RTEL1: variants seen among roughly 807,000 people sequenced by gnomAD.
The protein encoded by RTEL1 is regulator of telomere length.
Under a neutral mutation model 162.2 loss-of-function variants are expected in RTEL1, and 86 were observed. The observed-to-expected ratio is 0.53, with a 90% CI of 0.45 to 0.63. RTEL1 has a LOEUF of 0.63. RTEL1 is among the 30% of genes least tolerant of loss of function. RTEL1 has a pLI of 0.00. For missense variants in RTEL1, 1,941 were observed against 1,750.2 expected (o/e 1.11, Z -1.95); for synonymous variants, 958 against 717.9 (o/e 1.33, Z -5.35).
At chr20:63,675,440 GT>G (rs139917366) in intron 10 of RTEL1, among the ~76,000 whole-genome samples, 8,983 of 152,222 alleles carry the variant, frequency 0.059, 351 homozygotes, top group Non-Finnish European at 0.086. Flanking sequence ...TAGAGAGTGA[GT>G]TTGCAAAGTT....
At chr20:63,676,984 G>A (rs1396733982) in intron 10 of RTEL1, among the ~76,000 whole-genome samples, 10 of 152,206 alleles carry the variant, frequency 6.6e-5, no homozygotes, top group African/African-American at 9.7e-5. Context: ...GTGTGTGAAC[G>A]TGGGGATTGG....
intron 1 of RTEL1, 52 bp from the exon 2 acceptor site, chr20:63,659,181 G>A (rs1347114956): frequency 1.8e-6 from 1 of 560,476 alleles, no homozygotes; most frequent in East Asian, 3.0e-5. Context: ...TGGGAAAGTA[G>A]CCCGGTACCC....
chr20:63,692,807 G>C lies in RTEL1; in HGVS notation c.2655G>C (p.Glu885Asp), dbSNP rs979303111. 1 of 1,609,892 alleles carries C rather than the reference G, an allele frequency of 6.2e-7. No homozygotes were observed. ...AGCCTCGGGCCTGTGTCCTGCAGGA[G>C]GAGCCCGTGGCTGGTGCACAGACGG... is the stretch of plus-strand genomic sequence containing the variant. ...RKKIRLVSHP[E>D]EPVAGAQTDR... The change falls in exon 29 of 35, where the codon GAG (glutamate) becomes GAC (aspartate). Residue 885 changes from glutamate (E) to aspartate (D), a missense_variant and splice_region_variant. Physicochemically the swap from Glu to Asp is conservative, Grantham distance 45. Coordinates refer to ENST00000360203, the MANE Select transcript of RTEL1 (RefSeq NM_001283009.2).
chr20:63,669,644 A>G (rs73317964), intron 8 of RTEL1, among the ~76,000 whole-genome samples: 6,731 of 147,522 alleles, frequency 0.046, 555 homozygotes, highest in African/African-American at 0.16. Context: ...CAGACGTTTC[A>G]CCAAGATGGG....
intron 23 of RTEL1, 31 bp from the exon 24 acceptor site, chr20:63,689,719 G>T (rs1568711043): frequency 6.2e-7 from 1 of 1,606,478 alleles, no homozygotes; most frequent in African/African-American, 1.3e-5. Flanking sequence ...GGCCAAGGGA[G>T]CCCCCGTGAC....
Position 63,668,767 on chromosome 20 carries a change from A to G in RTEL1, c.699+1214A>G, listed in dbSNP as rs532620651. Reference sequence around the variant, plus strand: ...AACCAGGCCCCTCCCTGGGACAGTTATATCACAGCTGGTAAGCCGAGTCTA... The same window carrying G: ...AACCAGGCCCCTCCCTGGGACAGTTGTATCACAGCTGGTAAGCCGAGTCTA... On this transcript the variant is annotated intron_variant, in intron 8 of 34. Coordinates refer to ENST00000360203, the MANE Select transcript of RTEL1 (RefSeq NM_001283009.2). The surrounding 1 kb of genome is among the most constrained non-coding windows in gnomAD (Gnocchi z 4.3). 2.6e-5 allele frequency among the ~76,000 whole-genome samples: 4 copies of G among 152,300 alleles called. No individual in the cohort carries two copies. Among genetic ancestry groups the G allele is most frequent in the African/African-American group, 9.6e-5 (4 of 41,550 alleles).
chr20:63,694,760 A>C lies in RTEL1; in HGVS notation c.3129A>C (p.Pro1043=), dbSNP rs199578945. ...PPPTGDPGSQ[P]QWGSGVPRAG... ...CACCAGGAGACCCTGGCAGCCAACC[A>C]CAGTGGGGGTCTGGAGTGCCCAGAG... The change falls in exon 32 of 35, where the codon CCA becomes CCC. Residue 1043 remains proline (P), a synonymous_variant. Coordinates refer to ENST00000360203, the MANE Select transcript of RTEL1 (RefSeq NM_001283009.2). 42 of 1,606,302 alleles carry C rather than the reference A, an allele frequency of 2.6e-5. No homozygotes were observed. Among genetic ancestry groups the C allele is most frequent in the Non-Finnish European group, 3.4e-5 (40 of 1,176,198 alleles).
At position 63,690,801 on chromosome 20, in the gene RTEL1, G is replaced by C; in HGVS notation, c.2414-4G>C. ...CTTCACTGCGCACTCGGGTGCCCCT[G>C]CAGGGTCACCAGCTGCCGGGGACCC... On this transcript the variant is annotated splice_polypyrimidine_tract_variant and splice_region_variant and intron_variant, in intron 26 of 34. Coordinates refer to ENST00000360203, the MANE Select transcript of RTEL1 (RefSeq NM_001283009.2). 1 of 1,601,564 alleles carries C rather than the reference G, an allele frequency of 6.2e-7. No individual in the cohort carries two copies. The highest frequency in any genetic ancestry group is 8.5e-7 in the Non-Finnish European group (1 of 1,176,024).
rs185175952 is a variant in RTEL1 at position 63,668,786 on chromosome 20, G to A, written c.699+1233G>A. Among the ~76,000 whole-genome samples, 4 of 152,264 alleles carry A rather than the reference G, an allele frequency of 2.6e-5. No individual in the cohort carries two copies. The highest frequency in any genetic ancestry group is 9.6e-5 in the African/African-American group (4 of 41,532). On this transcript the variant is annotated intron_variant, in intron 8 of 34. Transcript: ENST00000360203. The surrounding 1 kb of genome is among the most constrained non-coding windows in gnomAD (Gnocchi z 4.3). ...ACAGTTATATCACAGCTGGTAAGCC[G>A]AGTCTAACACTTTCACGGAAACGCA...
Position 63,695,582 on chromosome 20 carries a change from G to A in RTEL1, c.3754G>A (p.Val1252Met), listed in dbSNP as rs373836819. The A allele has an allele frequency of 9.3e-6, 15 of 1,612,046 alleles. No individual in the cohort carries two copies. Among genetic ancestry groups the A allele is most frequent in the African/African-American group, 5.3e-5 (4 of 74,940 alleles). The change falls in exon 34 of 35, where the codon GTG (valine) becomes ATG (methionine). Residue 1252 changes from valine (V) to methionine (M), a missense_variant. Transcript: ENST00000360203. ...GTGCCAGGGCTGTGGGGCAGAGGAC[G>A]TGGTGCCCTTCCAGTGCCCTGCCTG... ...CVCQGCGAED[V>M]VPFQCPACDF...
rs2090920148 is a variant in RTEL1, at chr20:63,694,558, C to G, written c.3109+70C>G. 11 of 1,369,630 alleles carry G rather than the reference C, an allele frequency of 8.0e-6. 1 individual carries two copies. In the South Asian group the frequency reaches 1.1e-4, roughly 14 times the overall value. The allele number at this position is 1,369,630 out of a possible 1,614,324, so 84.8% of individuals were successfully genotyped here. A position where few individuals can be genotyped will look rare whatever the true frequency, so the allele number is the denominator to read the frequency against. On this transcript the variant is annotated intron_variant, in intron 31 of 34. Coordinates refer to ENST00000360203, the MANE Select transcript of RTEL1 (RefSeq NM_001283009.2). Reference sequence around the variant, plus strand: ...CCTCAGTGGCTTCACGAGGCTAACTCTTGAGTGTGGCCGGGGCTGCCCCTG... The same window carrying G: ...CCTCAGTGGCTTCACGAGGCTAACTGTTGAGTGTGGCCGGGGCTGCCCCTG...
At position 63,662,509 on chromosome 20, in the gene RTEL1, C is replaced by T. The variant is rs41297642; in HGVS notation, c.396-37C>T. On this transcript the variant is annotated intron_variant, in intron 4 of 34. Coordinates refer to ENST00000360203, the MANE Select transcript of RTEL1 (RefSeq NM_001283009.2). ...AGGGCCACGCTGTGGGTGTTGGAGA[C>T]AGCTCCTCCTCGACCCACGGTGCTC... is the stretch of plus-strand genomic sequence containing the variant. 6,206 of 1,611,504 alleles carry T rather than the reference C, an allele frequency of 3.9e-3. 12 individuals carry two copies. The highest frequency in any genetic ancestry group is 4.9e-3 in the Non-Finnish European group (5,830 of 1,179,114).
At chr20:63,692,697 G>T (rs746020353) in intron 28 of RTEL1, 108 bp from the exon 29 acceptor site, 38 of 1,085,966 alleles carry the variant, frequency 3.5e-5, no homozygotes, top group Non-Finnish European at 4.7e-5. Context: ...GCCCCACCTC[G>T]GCAGTCACTG....
intron 16 of RTEL1, 109 bp downstream of exon 16, chr20:63,685,981 C>A: frequency 9.9e-7 from 1 of 1,011,964 alleles, no homozygotes; most frequent in Non-Finnish European, 1.5e-6. Context: ...CCCCATGGGC[C>A]TGGCCACCTT....
At chr20:63,678,750 C>T (rs1319031133) in intron 12 of RTEL1, among the ~76,000 whole-genome samples, 2 of 133,404 alleles carry the variant, frequency 1.5e-5, no homozygotes, top group Non-Finnish European at 3.2e-5. Flanking sequence ...CACACTCCCA[C>T]GGAACGGCAC....
chr20:63,692,786 T>G lies in RTEL1; in HGVS notation c.2653-19T>G, dbSNP rs1209742339. 4 of 1,603,064 alleles carry G rather than the reference T, an allele frequency of 2.5e-6. No homozygotes were observed. The highest frequency in any genetic ancestry group is 3.4e-6 in the Non-Finnish European group (4 of 1,172,570). ...TGATGAGGCTGGCCCTGATGGAGCC[T>G]CGGGCCTGTGTCCTGCAGGAGGAGC... is the stretch of plus-strand genomic sequence containing the variant. On this transcript the variant is annotated intron_variant, in intron 28 of 34. Transcript: ENST00000360203.
chr20:63,685,445 T>G, intron 14 of RTEL1, 78 bp from the exon 15 acceptor site: 1 of 1,449,772 alleles, frequency 6.9e-7, no homozygotes, highest in Non-Finnish European at 9.5e-7. Flanking sequence ...CCTGTGACCT[T>G]CTGTGTATGC....
chr20:63,681,712 T>A (rs2090481012), intron 14 of RTEL1: 1 of 984,750 alleles, frequency 1.0e-6, no homozygotes, highest in South Asian at 4.7e-5. Context: ...CCAGGTGGGG[T>A]GGGCACAGGG....
Position 63,692,819 on chromosome 20 carries a change from T to G in RTEL1, c.2667T>G (p.Ala889=). ...RLVSHPEEPV[A]GAQTDRAKLF... ...GTGTCCTGCAGGAGGAGCCCGTGGC[T>G]GGTGCACAGACGGACAGGGCCAAGC... Residue 889 remains alanine, a synonymous_variant, in exon 29 of 35, where the codon GCT becomes GCG. Transcript: ENST00000360203. The G allele has an allele frequency of 6.2e-7, 1 of 1,611,636 alleles. No homozygotes were observed. Among genetic ancestry groups the G allele is most frequent in the South Asian group, 1.1e-5 (1 of 91,062 alleles).
Sources: allele counts gnomAD v4.1 joint callset (sites outside exome capture counted in the v4.1 genomes callset), GRCh38; gene constraint gnomAD v4.1.1; non-coding constraint Gnocchi (gnomAD v3.1); transcripts MANE v1.5; gene names NCBI Gene and HGNC (gene_info 2026-07-23, HGNC 2026-07-21).